Variants in SDE2 observed in about 807,000 individuals in gnomAD.
SDE2 encodes splicing regulator SDE2.
In SDE2, 31 loss-of-function variants were observed where a neutral mutation model predicts 46.9. That is an observed-to-expected ratio of 0.66 (90% CI 0.50 to 0.89). SDE2 has a LOEUF of 0.89. Ranked by LOEUF, SDE2 falls within the 40% of genes least tolerant of loss-of-function variation. The pLI is 0.00. For synonymous variants in SDE2, 205 were observed against 204.3 expected (o/e 1.00, Z -0.03); for missense variants, 542 against 564.4 (o/e 0.96, Z 0.40).
Position 225,999,181 on chromosome 1 carries a change from C to A in SDE2, c.120+12G>T. On this transcript the variant is annotated intron_variant, in intron 1 of 6. Coordinates refer to ENST00000272091, the MANE Select transcript of SDE2 (RefSeq NM_152608.4). ...CCTCTTTCTCCTTCCTAACAGGAAC[C>A]GAAATCCTCACCTGATCTTGGCAGT... is the stretch of plus-strand genomic sequence containing the variant. 6.2e-7 allele frequency: 1 copy of A among 1,607,600 alleles called. No homozygotes were observed. The highest frequency in any genetic ancestry group is 2.2e-5 in the East Asian group (1 of 44,672).
In SDE2 at chr1:225,982,827, G is replaced by C. The variant is rs912056295; in HGVS notation, c.*2475C>G. 2 of 152,062 alleles carry C rather than the reference G, an allele frequency of 1.3e-5. No individual in the cohort carries two copies. The highest frequency in any genetic ancestry group is 4.8e-5 in the African/African-American group (2 of 41,418). The allele number at this position is 152,062 out of a possible 1,614,324, so 9.4% of individuals were successfully genotyped here. ...ATATTTAAATATGTAGATTTAATATGTATGACAACTACAGCATAAAAGACA... is the reference window on the plus strand; with the variant it reads ...ATATTTAAATATGTAGATTTAATATCTATGACAACTACAGCATAAAAGACA... On this transcript the variant is annotated 3_prime_UTR_variant, in exon 7 of 7. Transcript: ENST00000272091.
rs1656496736 is a variant in SDE2 at position 225,995,313 on chromosome 1, T to C, written c.191A>G (p.His64Arg). ...GGGTTCCAAACTATAAACAGCTCCATGCTGCACTGTGTCACTGGTGTTAAT... is the reference window on the plus strand; with the variant it reads ...GGGTTCCAAACTATAAACAGCTCCACGCTGCACTGTGTCACTGGTGTTAAT... ...ALINTSDTVQ[H>R]GAVYSLEPRL... The change falls in exon 2 of 7, where the codon CAT (histidine) becomes CGT (arginine). Residue 64 changes from histidine to arginine, a missense_variant. By Grantham distance (29) the His-to-Arg change is conservative. Transcript: ENST00000272091. 3.7e-6 allele frequency: 6 copies of C among 1,613,404 alleles called. No individual in the cohort carries two copies. The East Asian group carries it at 1.3e-4, about 36-fold the overall frequency.
rs1424067163 is a variant in SDE2 at position 225,987,953 on chromosome 1, A to G, written c.1077T>C (p.Pro359=). 2 of 1,613,702 alleles carry G rather than the reference A, an allele frequency of 1.2e-6. No homozygotes were observed. The highest frequency in any genetic ancestry group is 3.3e-5 in the Admixed American group (2 of 59,920). Residue 359 remains proline (P), a synonymous_variant, in exon 6 of 7, where the codon CCT becomes CCC. Transcript: ENST00000272091. The part of the protein sequence containing the change: ...TDGERVAEVA[P]EERENVAVAK... ...CAACGGCAACGTTTTCCCTTTCTTC[A>G]GGTGCTACCTCAGCAACTCTTTCCC...
intron 5 of SDE2, among the ~76,000 whole-genome samples, chr1:225,990,504 G>A (rs1227526367): frequency 6.6e-6 from 1 of 152,014 alleles, no homozygotes; most frequent in Non-Finnish European, 1.5e-5. Context: ...TTTTTCAAAA[G>A]TCGTAGAACC....
At chr1:225,993,112 TTTC>T (rs151278173) in intron 2 of SDE2, 110 bp from the exon 3 acceptor site, 134,489 of 410,220 alleles carry the variant, frequency 0.33, 13,357 homozygotes, top group East Asian at 0.4. Context: ...CTCTACTTTC[TTTC>T]TTTTTTTTTT....
At chr1:225,994,403 C>G (rs1656474755) in intron 2 of SDE2, among the ~76,000 whole-genome samples, 1 of 152,204 alleles carries the variant, frequency 6.6e-6, no homozygotes. Flanking sequence ...CATACAATTT[C>G]AAACAGCTGG....
rs746571807 is a variant in SDE2, at chr1:225,991,209, A to C, written c.641+34T>G. 3.1e-6 allele frequency: 5 copies of C among 1,603,746 alleles called. No individual in the cohort carries two copies. The Admixed American group carries it at 8.4e-5, about 27-fold the overall frequency. On this transcript the variant is annotated intron_variant, in intron 5 of 6. Coordinates refer to ENST00000272091, the MANE Select transcript of SDE2 (RefSeq NM_152608.4). ...GAGGAAATGTCTCAAGTCAGTCCTC[A>C]AAGATCAATTGGGAACGAAAGTGAA...
At position 225,999,334 on chromosome 1, in the gene SDE2, A is replaced by T; in HGVS notation, c.-22T>A. Reference sequence around the variant, plus strand: ...CCATGTCACCGACTACCCGAACCTCAAGCCTCTCTGAGACACCAGGCGCCG... The same window carrying T: ...CCATGTCACCGACTACCCGAACCTCTAGCCTCTCTGAGACACCAGGCGCCG... On this transcript the variant is annotated 5_prime_UTR_variant, in exon 1 of 7. Transcript: ENST00000272091. 6.2e-7 allele frequency: 1 copy of T among 1,605,944 alleles called. No homozygotes were observed. Among genetic ancestry groups the T allele is most frequent in the South Asian group, 1.1e-5 (1 of 90,270 alleles).
chr1:225,985,981 T>C (rs1348640566), intron 6 of SDE2, among the ~76,000 whole-genome samples: 1 of 152,188 alleles, frequency 6.6e-6, no homozygotes, highest in African/African-American at 2.4e-5. Context: ...CTCTCCCTTA[T>C]ATAACTCAAC....
rs1324963022 is a variant in SDE2, at chr1:225,982,830, T to A, written c.*2472A>T. On this transcript the variant is annotated 3_prime_UTR_variant, in exon 7 of 7. Transcript: ENST00000272091. Reference sequence around the variant, plus strand: ...TTTAAATATGTAGATTTAATATGTATGACAACTACAGCATAAAAGACAGGT... The same window carrying A: ...TTTAAATATGTAGATTTAATATGTAAGACAACTACAGCATAAAAGACAGGT... 6.6e-6 allele frequency: 1 copy of A among 152,162 alleles called. No individual in the cohort carries two copies. Among genetic ancestry groups the A allele is most frequent in the Non-Finnish European group, 1.5e-5 (1 of 68,022 alleles). 9.4% of individuals were successfully genotyped at this position (152,162 alleles called of 1,614,324 possible).
rs917727043 is a variant in SDE2, at chr1:225,983,397, C to T, written c.*1905G>A. 8 of 152,098 alleles carry T rather than the reference C, an allele frequency of 5.3e-5. No individual in the cohort carries two copies. The highest frequency in any genetic ancestry group is 1.9e-4 in the African/African-American group (8 of 41,412). 9.4% of individuals were successfully genotyped at this position (152,098 alleles called of 1,614,324 possible). A position where few individuals can be genotyped will look rare whatever the true frequency, so the allele number is the denominator to read the frequency against. ...GTAGAATTTAAGAAATAGACAATTCCACAATCATAATTGAAGATTTTAACA... is the reference window on the plus strand; with the variant it reads ...GTAGAATTTAAGAAATAGACAATTCTACAATCATAATTGAAGATTTTAACA... On this transcript the variant is annotated 3_prime_UTR_variant, in exon 7 of 7. Transcript: ENST00000272091.
intron 5 of SDE2, among the ~76,000 whole-genome samples, chr1:225,989,308 AAT>A (rs1202164540): frequency 0.04 from 4,532 of 112,532 alleles, 87 homozygotes; most frequent in Middle Eastern, 0.12. Flanking sequence ...AAAAAAAAAA[AAT>A]AATAATAATA....
chr1:225,989,183 G>C (rs542658261), intron 5 of SDE2, among the ~76,000 whole-genome samples: 1 of 150,182 alleles, frequency 6.7e-6, no homozygotes, highest in East Asian at 2.0e-4. Flanking sequence ...TGTAGTCCCT[G>C]CTACTCGAGA....
chr1:225,992,187 A>C (rs1308022936), intron 4 of SDE2, among the ~76,000 whole-genome samples: 1 of 151,260 alleles, frequency 6.6e-6, no homozygotes. Context: ...TTTGGGGGGA[A>C]AAAAAAAAGC....
chr1:225,997,906 G>A (rs1381451130), intron 1 of SDE2, among the ~76,000 whole-genome samples: 2 of 152,066 alleles, frequency 1.3e-5, no homozygotes, highest in Non-Finnish European at 2.9e-5. Context: ...TGAGGTGGGC[G>A]GATCACCCGA....
At chr1:225,993,936 T>C (rs894280259) in intron 2 of SDE2, among the ~76,000 whole-genome samples, 2 of 7,856 alleles carry the variant, frequency 2.5e-4, no homozygotes, top group African/African-American at 3.9e-4. Context: ...CAGCTAGCTA[T>C]TTTTTTTTTT....
rs964827871 is a variant in SDE2, at chr1:225,984,974, C to A, written c.*328G>T. On this transcript the variant is annotated 3_prime_UTR_variant, in exon 7 of 7. Coordinates refer to ENST00000272091, the MANE Select transcript of SDE2 (RefSeq NM_152608.4). ...GGTAAGAAGGGACCATTATAAATAA[C>A]CTTATGTCTACAAATTTGATAACCT... 2.0e-5 allele frequency: 6 copies of A among 293,576 alleles called. No individual in the cohort carries two copies. In the East Asian group the frequency reaches 4.4e-4, roughly 21 times the overall value. The allele number at this position is 293,576 out of a possible 1,614,324, so 18.2% of individuals were successfully genotyped here.
In SDE2 at chr1:225,993,778, C is replaced by G. The variant is rs76817365; in HGVS notation, c.239-776G>C. On this transcript the variant is annotated intron_variant, in intron 2 of 6. Coordinates refer to ENST00000272091, the MANE Select transcript of SDE2 (RefSeq NM_152608.4). Reference sequence around the variant, plus strand: ...TCATTCATTCATTCTTTTTATCCCCCCTAAGAGATGGGGCCTTGCTCTGTC... The same window carrying G: ...TCATTCATTCATTCTTTTTATCCCCGCTAAGAGATGGGGCCTTGCTCTGTC... Among the ~76,000 whole-genome samples the G allele has an allele frequency of 9.9e-5, 15 of 152,216 alleles. No individual in the cohort carries two copies. In the East Asian group the frequency reaches 2.5e-3, roughly 25 times the overall value.
At chr1:225,989,188 T>G (rs767697282) in intron 5 of SDE2, among the ~76,000 whole-genome samples, 35 of 149,014 alleles carry the variant, frequency 2.3e-4, no homozygotes, top group Non-Finnish European at 4.8e-4. Flanking sequence ...TCCCTGCTAC[T>G]CGAGAGGCTG....
Sources: allele counts gnomAD v4.1 joint callset (sites outside exome capture counted in the v4.1 genomes callset), GRCh38; gene constraint gnomAD v4.1.1; transcripts MANE v1.5; gene names NCBI Gene and HGNC (gene_info 2026-07-23, HGNC 2026-07-21).